Variants in SLC18A2 observed in about 807,000 individuals in gnomAD.
The protein encoded by SLC18A2 is solute carrier family 18 member A2, also known as synaptic vesicular amine transporter.
In SLC18A2, 33 loss-of-function variants were observed where a neutral mutation model predicts 59.2. That is an observed-to-expected ratio of 0.56 (90% CI 0.42 to 0.75). SLC18A2 has a LOEUF of 0.75. Among genes scored for constraint, SLC18A2 ranks in the 30% least tolerant of loss-of-function variants. The pLI is 0.00. For synonymous variants in SLC18A2, 228 were observed against 253.5 expected (o/e 0.90, Z 0.95); for missense variants, 569 against 668.6 (o/e 0.85, Z 1.64).
intron 3 of SLC18A2, among the ~76,000 whole-genome samples, chr10:117,249,360 T>C (rs363399): frequency 0.19 from 29,422 of 152,290 alleles, 3,768 homozygotes; most frequent in East Asian, 0.56. Context: ...TGGAATTCTC[T>C]GGTAGCTGAA....
intron 9 of SLC18A2, among the ~76,000 whole-genome samples, chr10:117,257,117 T>G (rs1844239393): frequency 6.6e-6 from 1 of 152,228 alleles, no homozygotes; most frequent in African/African-American, 2.4e-5. Flanking sequence ...TGCACAATAT[T>G]CTTTGAATTT....
rs1844404618 is a variant in SLC18A2 at position 117,269,927 on chromosome 10, T to G, written c.1187-144T>G. 1.1e-6 allele frequency: 1 copy of G among 940,334 alleles called. No individual in the cohort carries two copies. Among genetic ancestry groups the G allele is most frequent in the Non-Finnish European group, 1.6e-6 (1 of 632,080 alleles). The allele number at this position is 940,334 out of a possible 1,614,324, so 58.2% of individuals were successfully genotyped here. A position where few individuals can be genotyped will look rare whatever the true frequency, so the allele number is the denominator to read the frequency against. Reference sequence around the variant, plus strand: ...TCCTTCATTCTTTCTACTCAAAGATTAGTATCACCCCAAGACTTGCAGGTG... The same window carrying G: ...TCCTTCATTCTTTCTACTCAAAGATGAGTATCACCCCAAGACTTGCAGGTG... On this transcript the variant is annotated intron_variant, in intron 13 of 15. Transcript: ENST00000644641. The surrounding 1 kb of genome is among the most constrained non-coding windows in gnomAD (Gnocchi z 5.1).
At chr10:117,266,231 A>G (rs1844347564) in intron 10 of SLC18A2, among the ~76,000 whole-genome samples, 1 of 152,194 alleles carries the variant, frequency 6.6e-6, no homozygotes, top group East Asian at 1.9e-4. Context: ...GTAAATCAAA[A>G]CACACATAAA....
chr10:117,277,373 A>G lies in SLC18A2; in HGVS notation c.*107A>G. 1 of 602,326 alleles carries G rather than the reference A, an allele frequency of 1.7e-6. No homozygotes were observed. Among genetic ancestry groups the G allele is most frequent in the Non-Finnish European group, 2.8e-6 (1 of 359,418 alleles). The allele number at this position is 602,326 out of a possible 1,614,324, so 37.3% of individuals were successfully genotyped here. On this transcript the variant is annotated 3_prime_UTR_variant, in exon 16 of 16. Transcript: ENST00000644641. ...AGTCATACCATCCATCCCTGGTGAA[A>G]GAGTAAAACCAAAGGTTATTATTTC...
At position 117,270,527 on chromosome 10, in the gene SLC18A2, T is replaced by TAA. The variant is rs1565009365; in HGVS notation, c.1440+64_1440+65insAA. ...ATTTTAGCATGGCCTTCCTGATAGCTTCCTCATGGTTTCATTCTAAAGCCT... is the reference window on the plus strand; with the variant it reads ...ATTTTAGCATGGCCTTCCTGATAGCTAATCCTCATGGTTTCATTCTAAAGCCT... On this transcript the variant is annotated intron_variant, in intron 15 of 15. Coordinates refer to ENST00000644641, the MANE Select transcript of SLC18A2 (RefSeq NM_003054.6). 108 of 1,572,110 alleles carry TAA rather than the reference T, an allele frequency of 6.9e-5. 1 individual carries two copies. The Middle Eastern group carries it at 7.0e-4, about 10-fold the overall frequency.
intron 3 of SLC18A2, among the ~76,000 whole-genome samples, chr10:117,251,668 T>A (rs1844163940): frequency 1.3e-5 from 2 of 152,220 alleles, no homozygotes; most frequent in Admixed American, 1.3e-4. Flanking sequence ...TTAAAAAATA[T>A]TTGAATATGG....
intron 10 of SLC18A2, among the ~76,000 whole-genome samples, chr10:117,258,882 T>G (rs749633110): frequency 6.6e-6 from 1 of 151,392 alleles, no homozygotes; most frequent in Non-Finnish European, 1.5e-5. Context: ...TTCTCCTGCC[T>G]CAGCCTCCCG....
At chr10:117,276,613 C>CA (rs1161850365) in intron 15 of SLC18A2, among the ~76,000 whole-genome samples, 918 of 46,740 alleles carry the variant, frequency 0.02, 68 homozygotes, top group East Asian at 0.069. Context: ...GACTTCATCT[C>CA]AAAAAAAAAA....
chr10:117,256,322 C>T (rs1213370027), intron 9 of SLC18A2, among the ~76,000 whole-genome samples: 5 of 152,292 alleles, frequency 3.3e-5, no homozygotes, highest in Non-Finnish European at 4.4e-5. Context: ...TGCCAGGCCC[C>T]GGGCTGCCTA....
intron 9 of SLC18A2, among the ~76,000 whole-genome samples, chr10:117,256,105 G>A (rs1370709665): frequency 2.0e-5 from 3 of 152,202 alleles, no homozygotes; most frequent in African/African-American, 7.2e-5. Context: ...GCCCCACAGG[G>A]ACCAGAGGGG....
At chr10:117,244,723 C>G (rs569032564) in intron 3 of SLC18A2, among the ~76,000 whole-genome samples, 1 of 152,230 alleles carries the variant, frequency 6.6e-6, no homozygotes, top group South Asian at 2.1e-4. Context: ...ATGCACTTCT[C>G]TGTAGAGAGC....
At chr10:117,241,336 CG>C in intron 1 of SLC18A2, 116 bp downstream of exon 1, 1 of 190,632 alleles carries the variant, frequency 5.2e-6, no homozygotes. Flanking sequence ...GCGGGGACCC[CG>C]GGGCAGCCGG....
At chr10:117,244,390 C>T in intron 3 of SLC18A2, 77 bp downstream of exon 3, 1 of 1,332,882 alleles carries the variant, frequency 7.5e-7, no homozygotes, top group Non-Finnish European at 1.0e-6. Context: ...AATTCTGCTT[C>T]TTACTCATTG....
intron 10 of SLC18A2, among the ~76,000 whole-genome samples, 168 bp from the exon 11 acceptor site, chr10:117,266,565 G>A (rs1043160220): frequency 6.6e-6 from 1 of 152,252 alleles, no homozygotes; most frequent in African/African-American, 2.4e-5. Flanking sequence ...GATAAGCCAC[G>A]TGGGTCCAGA....
At chr10:117,274,214 A>T (rs1844459173) in intron 15 of SLC18A2, among the ~76,000 whole-genome samples, 1 of 152,208 alleles carries the variant, frequency 6.6e-6, no homozygotes, top group South Asian at 2.1e-4. Context: ...GAGGTTTGGA[A>T]GCCAGTGAGC....
rs1241834451 is a variant in SLC18A2 at position 117,253,412 on chromosome 10, A to G, written c.478A>G (p.Ile160Val). 7 of 1,613,630 alleles carry G rather than the reference A, an allele frequency of 4.3e-6. No individual in the cohort carries two copies. Among genetic ancestry groups the G allele is most frequent in the Admixed American group, 3.3e-5 (2 of 60,004 alleles). Residue 160 changes from isoleucine (I) to valine (V), a missense_variant, in exon 4 of 16, where the codon ATT becomes GTT. By Grantham distance (29) the Ile-to-Val change is conservative. Coordinates refer to ENST00000644641, the MANE Select transcript of SLC18A2 (RefSeq NM_003054.6). ...TGTGTTTTGCAGAATTGGCTATCCA[A>G]TTCCCATATTTGCGGGATTCTGCAT... ...GLLTNRIGYPIPIFAGFCIMF... is the reference protein window; with the variant it reads ...GLLTNRIGYPVPIFAGFCIMF...
intron 15 of SLC18A2, among the ~76,000 whole-genome samples, chr10:117,276,644 A>AAAAAAGAAAGAC (rs1844497197): frequency 7.5e-6 from 1 of 132,788 alleles, no homozygotes; most frequent in Non-Finnish European, 1.6e-5. Flanking sequence ...GAAAGAAAGA[A>AAAAAAGAAAGAC]AGAAAGAAAA....
intron 10 of SLC18A2, among the ~76,000 whole-genome samples, chr10:117,261,624 T>G (rs1844295434): frequency 1.3e-5 from 2 of 152,188 alleles, no homozygotes; most frequent in Non-Finnish European, 2.9e-5. Flanking sequence ...TGCCAGAAGC[T>G]GCCCCCTGGC....
At chr10:117,264,679 A>G (rs1844329483) in intron 10 of SLC18A2, among the ~76,000 whole-genome samples, 2 of 152,084 alleles carry the variant, frequency 1.3e-5, no homozygotes, top group Admixed American at 1.3e-4. Flanking sequence ...GTTCTTTATC[A>G]TGGTATCTGC....
Sources: allele counts gnomAD v4.1 joint callset (sites outside exome capture counted in the v4.1 genomes callset), GRCh38; gene constraint gnomAD v4.1.1; non-coding constraint Gnocchi (gnomAD v3.1); transcripts MANE v1.5; gene names NCBI Gene and HGNC (gene_info 2026-07-23, HGNC 2026-07-21).